The following NOL4 variants were observed in gnomAD, a reference collection of about 807,000 sequenced individuals.
NOL4 encodes the protein cancer/testis antigen 125.
Under a neutral mutation model 75.9 loss-of-function variants are expected in NOL4, and 17 were observed. The observed-to-expected ratio is 0.22, with a 90% confidence interval of 0.15 to 0.34. The LOEUF (loss-of-function observed/expected upper bound fraction) is 0.34. NOL4 is among the 10% of genes least tolerant of loss of function. NOL4 has a pLI of 1.00. For synonymous variants in NOL4, 292 were observed against 289.9 expected (o/e 1.01, Z -0.07); for missense variants, 614 against 793.5 (o/e 0.77, Z 2.72).
intron 9 of NOL4, among the ~76,000 whole-genome samples, chr18:33,941,806 CT>C (rs1179109765): frequency 6.6e-6 from 1 of 151,842 alleles, no homozygotes; most frequent in Non-Finnish European, 1.5e-5. Flanking sequence ...ATGTGCTCCC[CT>C]AATCACTATG....
chr18:34,054,679 G>A (rs1369738551), intron 5 of NOL4, among the ~76,000 whole-genome samples: 1 of 151,660 alleles, frequency 6.6e-6, no homozygotes, highest in Non-Finnish European at 1.5e-5. Flanking sequence ...CTTTTGATCA[G>A]GGAGTTTAAT....
chr18:34,039,563 C>T (rs914890900), intron 5 of NOL4, among the ~76,000 whole-genome samples: 1 of 151,958 alleles, frequency 6.6e-6, no homozygotes, highest in African/African-American at 2.4e-5. Flanking sequence ...TTCAGCAAAA[C>T]CCTTGCCACA....
At chr18:34,013,431 C>T (rs2146349410) in intron 6 of NOL4, among the ~76,000 whole-genome samples, 1 of 151,944 alleles carries the variant, frequency 6.6e-6, no homozygotes, top group South Asian at 2.1e-4. Context: ...CACAATCTGA[C>T]CACACTATTT....
chr18:33,910,762 G>A (rs1270739868), intron 9 of NOL4, among the ~76,000 whole-genome samples: 1 of 152,012 alleles, frequency 6.6e-6, no homozygotes, highest in Non-Finnish European at 1.5e-5. Flanking sequence ...CTCATTTTGG[G>A]GGTTTTGGTG....
At chr18:33,950,699 G>A (rs1239366343) in intron 8 of NOL4, among the ~76,000 whole-genome samples, 1 of 152,092 alleles carries the variant, frequency 6.6e-6, no homozygotes, top group Non-Finnish European at 1.5e-5. Context: ...GTACCACAAA[G>A]TACAATTTGC....
chr18:34,140,676 T>C (rs1043641276), intron 1 of NOL4, among the ~76,000 whole-genome samples: 17 of 152,094 alleles, frequency 1.1e-4, no homozygotes, highest in African/African-American at 3.9e-4. Context: ...TTAGCCCATT[T>C]ACATTTAATG....
intron 4 of NOL4, among the ~76,000 whole-genome samples, chr18:34,102,321 T>C (rs969481459): frequency 3.3e-5 from 5 of 152,066 alleles, no homozygotes; most frequent in African/African-American, 1.2e-4. Context: ...TAAATATTGG[T>C]TGAACTTATT....
intron 1 of NOL4, chr18:34,156,717 A>G (rs1450208107): frequency 6.6e-6 from 1 of 152,580 alleles, no homozygotes; most frequent in South Asian, 2.1e-4. Flanking sequence ...ATTGTCATTA[A>G]TATCCTCTCC....
At chr18:33,865,042 A>G (rs1493923) in intron 10 of NOL4, among the ~76,000 whole-genome samples, 147,565 of 152,256 alleles carry the variant, frequency 0.97, 71,544 homozygotes, top group East Asian at 1. Flanking sequence ...TACAATTTGA[A>G]ATGAGATTTG....
chr18:34,000,546 G>A (rs544600316), intron 6 of NOL4, among the ~76,000 whole-genome samples: 16 of 152,098 alleles, frequency 1.1e-4, no homozygotes, highest in Non-Finnish European at 2.1e-4. Flanking sequence ...AATTCTTGCG[G>A]AACATATCAG....
chr18:34,159,235 C>A lies in NOL4; in HGVS notation c.265-29215G>T, dbSNP rs374683354. Among the ~76,000 whole-genome samples the A allele has an allele frequency of 3.3e-5, 5 of 152,196 alleles. No individual in the cohort carries two copies. In the East Asian group the frequency reaches 9.7e-4, roughly 29 times the overall value. On this transcript the variant is annotated intron_variant, in intron 1 of 10. Coordinates refer to ENST00000261592, the MANE Select transcript of NOL4 (RefSeq NM_003787.5). ...GCAGGCGCGCTAAGCGCTCCGGGCGCCGCGCTCCGCGAGGGGGAGCAGTGC... is the reference window on the plus strand; with the variant it reads ...GCAGGCGCGCTAAGCGCTCCGGGCGACGCGCTCCGCGAGGGGGAGCAGTGC...
intron 1 of NOL4, among the ~76,000 whole-genome samples, chr18:34,213,283 C>T (rs927867700): frequency 2.0e-5 from 3 of 152,012 alleles, no homozygotes; most frequent in African/African-American, 4.8e-5. Flanking sequence ...TTCTTATTTA[C>T]TTATTTATTT....
chr18:34,047,121 T>C (rs990371168), intron 5 of NOL4, among the ~76,000 whole-genome samples: 4 of 152,246 alleles, frequency 2.6e-5, no homozygotes, highest in African/African-American at 4.8e-5. Flanking sequence ...AACATTTTAA[T>C]ATACCTGTTC....
chr18:33,911,446 G>A (rs770381501), intron 9 of NOL4, among the ~76,000 whole-genome samples: 2 of 151,410 alleles, frequency 1.3e-5, no homozygotes, highest in Non-Finnish European at 2.9e-5. Context: ...TCTATTTTTT[G>A]TCTATTTAAA....
intron 1 of NOL4, among the ~76,000 whole-genome samples, chr18:34,154,116 T>C (rs563974499): frequency 6.6e-6 from 1 of 152,072 alleles, no homozygotes; most frequent in Admixed American, 6.6e-5. Flanking sequence ...ACTAGTCAAA[T>C]CTGTTGAAAA....
chr18:33,923,670 T>C (rs2067164987), intron 9 of NOL4, among the ~76,000 whole-genome samples: 1 of 152,196 alleles, frequency 6.6e-6, no homozygotes, highest in African/African-American at 2.4e-5. Flanking sequence ...ACATAATGTA[T>C]TGTATATGTT....
At chr18:34,210,234 C>A (rs1343066223) in intron 1 of NOL4, among the ~76,000 whole-genome samples, 2 of 152,142 alleles carry the variant, frequency 1.3e-5, no homozygotes, top group Non-Finnish European at 2.9e-5. Context: ...ATAACCCTTC[C>A]AAGAAACATT....
intron 5 of NOL4, among the ~76,000 whole-genome samples, chr18:34,054,697 C>T (rs913668232): frequency 6.6e-6 from 1 of 151,624 alleles, no homozygotes; most frequent in Non-Finnish European, 1.5e-5. Context: ...AATCCATTTA[C>T]ATTTAAAGTC....
intron 1 of NOL4, among the ~76,000 whole-genome samples, chr18:34,169,141 G>GT (rs1182717499): frequency 6.6e-6 from 1 of 151,814 alleles, no homozygotes; most frequent in East Asian, 1.9e-4. Context: ...ACCAGAAATA[G>GT]TAACCACATG....
Sources: gnomAD v4.1 joint callset for allele counts (sites outside exome capture counted in the v4.1 genomes callset) on GRCh38, gnomAD v4.1.1 for gene constraint, MANE v1.5 for transcripts, NCBI Gene and HGNC (gene_info 2026-07-23, HGNC 2026-07-21) for gene names.